The following GABRB2 variants were observed in gnomAD, a reference collection of about 807,000 sequenced individuals.
GABRB2 encodes gamma-aminobutyric acid receptor subunit beta-2.
In GABRB2, 16 loss-of-function variants were observed where a neutral mutation model predicts 54.7. The ratio of observed to expected loss-of-function variants is 0.29; its 90% CI spans 0.20 to 0.44. The LOEUF (loss-of-function observed/expected upper bound fraction) is 0.44, where lower values mean the gene tolerates loss of function less well. GABRB2 is among the 20% of genes least tolerant of loss of function. The probability of loss-of-function intolerance (pLI) is 1.00; values close to 1 mark genes in which losing one functional copy is unlikely to be tolerated. For missense variants in GABRB2, 355 were observed against 644.0 expected, an observed-to-expected ratio of 0.55 and a Z score of 4.86; for synonymous variants, 244 against 233.8, an observed-to-expected ratio of 1.04 and a Z score of -0.40.
chr5:161,508,593 A>C (rs1438580095), intron 3 of GABRB2, among the ~76,000 whole-genome samples: 5 of 151,966 alleles, frequency 3.3e-5, no homozygotes, highest in African/African-American at 9.7e-5. Context: ...ATTAAAATAC[A>C]CTTGCATAAG....
At chr5:161,480,612 A>G (rs1758734292) in intron 3 of GABRB2, among the ~76,000 whole-genome samples, 1 of 152,044 alleles carries the variant, frequency 6.6e-6, no homozygotes, top group Admixed American at 6.6e-5. Flanking sequence ...AAACACAGGA[A>G]ACAAATAACA....
chr5:161,332,738 C>T (rs1475070657), intron 7 of GABRB2, among the ~76,000 whole-genome samples: 2 of 152,128 alleles, frequency 1.3e-5, no homozygotes, highest in East Asian at 1.9e-4. Flanking sequence ...GGTTAAATTT[C>T]ATTCCTATGA....
chr5:161,469,958 A>G (rs775257784), intron 3 of GABRB2, among the ~76,000 whole-genome samples: 6 of 151,996 alleles, frequency 3.9e-5, no homozygotes, highest in Non-Finnish European at 5.9e-5. Context: ...TAAGAGTTTC[A>G]GACATCCTAT....
At chr5:161,322,201 G>A (rs1006800082) in intron 9 of GABRB2, among the ~76,000 whole-genome samples, 3 of 152,130 alleles carry the variant, frequency 2.0e-5, no homozygotes, top group South Asian at 4.2e-4. Flanking sequence ...AATTGTCTAA[G>A]CATATAGTAG....
Position 161,481,592 on chromosome 5 carries a change from C to T in GABRB2, c.238-21748G>A, listed in dbSNP as rs114307764. On this transcript the variant is annotated intron_variant, in intron 3 of 9. Transcript: ENST00000393959. ...TGAATAATTTTTCTGCAAAGAGTAA[C>T]AGTATCTAGCCTCATCCAGAGCAGA... Among the ~76,000 whole-genome samples, 147 of 152,114 alleles carry T rather than the reference C, an allele frequency of 9.7e-4. 1 individual carries two copies. Among genetic ancestry groups the T allele is most frequent in the Middle Eastern group, 3.4e-3 (1 of 294 alleles).
intron 4 of GABRB2, among the ~76,000 whole-genome samples, chr5:161,428,322 T>A (rs963524397): frequency 6.7e-6 from 1 of 150,252 alleles, no homozygotes; most frequent in African/African-American, 2.4e-5. Flanking sequence ...TGTGTGTGTG[T>A]GACAAGAGCA....
intron 4 of GABRB2, among the ~76,000 whole-genome samples, chr5:161,446,148 G>T (rs1267113750): frequency 6.6e-6 from 1 of 151,994 alleles, no homozygotes; most frequent in Non-Finnish European, 1.5e-5. Context: ...TTTGCTGGTA[G>T]TTTATATCTT....
chr5:161,457,174 T>C (rs1757978841), intron 4 of GABRB2, among the ~76,000 whole-genome samples: 2 of 152,218 alleles, frequency 1.3e-5, no homozygotes, highest in Non-Finnish European at 1.5e-5. Context: ...CTGAGAACAA[T>C]CACCATTCAT....
At chr5:161,437,709 A>G (rs1757351975) in intron 4 of GABRB2, among the ~76,000 whole-genome samples, 1 of 152,102 alleles carries the variant, frequency 6.6e-6, no homozygotes, top group South Asian at 2.1e-4. Context: ...CATTCACCAC[A>G]AGCTGACTTA....
intron 4 of GABRB2, among the ~76,000 whole-genome samples, chr5:161,454,193 T>C (rs77222747): frequency 0.01 from 1,588 of 152,148 alleles, 26 homozygotes; most frequent in African/African-American, 0.035. Context: ...AAATGAAAAT[T>C]ATTGAAGGCA....
chr5:161,379,375 T>C (rs1755400243), intron 5 of GABRB2, among the ~76,000 whole-genome samples: 2 of 152,130 alleles, frequency 1.3e-5, no homozygotes, highest in South Asian at 4.1e-4. Context: ...AGGATGTGTG[T>C]GAGTGTATGT....
intron 4 of GABRB2, among the ~76,000 whole-genome samples, chr5:161,455,284 G>T (rs900515199): frequency 6.6e-6 from 1 of 152,062 alleles, no homozygotes; most frequent in Admixed American, 6.6e-5. Context: ...CCCCTCTCCG[G>T]ATAATGGATC....
At chr5:161,505,292 G>T (rs892331132) in intron 3 of GABRB2, among the ~76,000 whole-genome samples, 4 of 151,584 alleles carry the variant, frequency 2.6e-5, no homozygotes, top group Non-Finnish European at 5.9e-5. Context: ...CACCACGCCC[G>T]ACAAATTTTT....
chr5:161,419,321 A>T (rs559973538), intron 4 of GABRB2, among the ~76,000 whole-genome samples: 55 of 152,336 alleles, frequency 3.6e-4, no homozygotes, highest in African/African-American at 1.2e-3. Context: ...GATGTTGGCA[A>T]GGACATGGTG....
chr5:161,326,501 A>G lies in GABRB2; in HGVS notation c.1078-20T>C. 6.2e-7 allele frequency: 1 copy of G among 1,611,142 alleles called. No homozygotes were observed. On this transcript the variant is annotated intron_variant, in intron 8 of 9. Transcript: ENST00000393959. ...AAAAATCTGGAAGACAAAGTAGAGA[A>G]TGTGCTAATTAAGTCGATTGATGCT...
intron 4 of GABRB2, among the ~76,000 whole-genome samples, chr5:161,423,395 G>A (rs757488640): frequency 9.2e-5 from 14 of 152,102 alleles, no homozygotes; most frequent in East Asian, 1.9e-4. Flanking sequence ...CATGTGTCAA[G>A]CAAGTCTATT....
chr5:161,405,073 T>C (rs1263948577), intron 5 of GABRB2, among the ~76,000 whole-genome samples: 1 of 152,120 alleles, frequency 6.6e-6, no homozygotes, highest in East Asian at 1.9e-4. Context: ...TTAGTTAATT[T>C]TGTCCTTAGG....
At chr5:161,525,802 A>C (rs893113209) in intron 3 of GABRB2, among the ~76,000 whole-genome samples, 1 of 151,378 alleles carries the variant, frequency 6.6e-6, no homozygotes, top group Admixed American at 6.6e-5. Context: ...CATCTAACTT[A>C]AGTTTCCCAG....
chr5:161,414,754 A>T (rs888045430), intron 4 of GABRB2, among the ~76,000 whole-genome samples: 1 of 151,102 alleles, frequency 6.6e-6, no homozygotes, highest in Non-Finnish European at 1.5e-5. Flanking sequence ...ATAATAATAA[A>T]ACAAATATAA....
Sources: gnomAD v4.1 joint callset for allele counts (sites outside exome capture counted in the v4.1 genomes callset) on GRCh38, gnomAD v4.1.1 for gene constraint, MANE v1.5 for transcripts, NCBI Gene and HGNC (gene_info 2026-07-23, HGNC 2026-07-21) for gene names.